Variants in PTGER3 observed in about 807,000 individuals in gnomAD.
PTGER3 encodes prostaglandin E2 receptor EP3 subtype.
A neutral mutation model predicts 34.7 loss-of-function variants in PTGER3; 22 were observed. The ratio of observed to expected loss-of-function variants is 0.63; its 90% CI spans 0.45 to 0.91. PTGER3 has a LOEUF of 0.91. Ranked by LOEUF, PTGER3 falls within the 40% of genes least tolerant of loss-of-function variation. PTGER3 has a pLI of 0.00. For synonymous variants in PTGER3, 241 were observed against 230.1 expected (o/e 1.05, Z -0.43); for missense variants, 468 against 519.4 (o/e 0.90, Z 0.96).
At chr1:71,009,175 G>A (rs1425340285) in intron 2 of PTGER3, 5 of 985,178 alleles carry the variant, frequency 5.1e-6, no homozygotes, top group East Asian at 1.1e-4. Flanking sequence ...CTGCCACAGA[G>A]TGACCCCCTT....
chr1:70,954,813 C>G (rs1651147110), intron 2 of PTGER3, among the ~76,000 whole-genome samples: 1 of 150,186 alleles, frequency 6.7e-6, no homozygotes, highest in Admixed American at 6.7e-5. Flanking sequence ...CTACATTCAA[C>G]ACTAAAAGGA....
chr1:71,029,231 T>C (rs1242174935), intron 1 of PTGER3, among the ~76,000 whole-genome samples: 1 of 152,234 alleles, frequency 6.6e-6, no homozygotes, highest in Non-Finnish European at 1.5e-5. Context: ...ATTTATTGCG[T>C]GATTTCTTTG....
At chr1:70,867,411 G>T (rs929834292) in intron 4 of PTGER3, among the ~76,000 whole-genome samples, 2 of 152,054 alleles carry the variant, frequency 1.3e-5, no homozygotes, top group Non-Finnish European at 2.9e-5. Flanking sequence ...AAATCTACAG[G>T]CTGTTTACTT....
intron 1 of PTGER3, among the ~76,000 whole-genome samples, chr1:71,018,517 CT>C (rs1221726410): frequency 2.6e-5 from 4 of 152,068 alleles, no homozygotes; most frequent in Admixed American, 1.3e-4. Flanking sequence ...TTTTGCTTAT[CT>C]TTTTCAGTCC....
intron 1 of PTGER3, among the ~76,000 whole-genome samples, chr1:71,041,974 A>G (rs1660355666): frequency 6.6e-6 from 1 of 152,050 alleles, no homozygotes; most frequent in African/African-American, 2.4e-5. Flanking sequence ...TGTGGTGCAT[A>G]TTCCTGAGTG....
intron 1 of PTGER3, among the ~76,000 whole-genome samples, chr1:71,013,500 C>T (rs1159973725): frequency 1.3e-5 from 2 of 151,924 alleles, no homozygotes; most frequent in Non-Finnish European, 2.9e-5. Flanking sequence ...GTCAGGAGTT[C>T]GAGACCAGCC....
intron 2 of PTGER3, chr1:71,010,173 A>G (rs1657317750): frequency 5.1e-6 from 5 of 985,076 alleles, no homozygotes; most frequent in Non-Finnish European, 6.0e-6. Flanking sequence ...GAAAAGTGAT[A>G]TTCTTGTGAT....
chr1:71,018,773 A>G (rs1011676222), intron 1 of PTGER3, among the ~76,000 whole-genome samples: 5 of 152,196 alleles, frequency 3.3e-5, no homozygotes, highest in African/African-American at 1.2e-4. Context: ...TTGTGAGGCT[A>G]ATAATTTAAA....
chr1:70,978,832 A>G (rs1653963604), intron 2 of PTGER3, among the ~76,000 whole-genome samples: 1 of 152,072 alleles, frequency 6.6e-6, no homozygotes, highest in Non-Finnish European at 1.5e-5. Flanking sequence ...TTTTAAAGCT[A>G]AAAGGAGCCT....
At chr1:70,883,843 A>T (rs796250938) in intron 4 of PTGER3, 2 of 203,396 alleles carry the variant, frequency 9.8e-6, no homozygotes, top group Non-Finnish European at 2.0e-5. Context: ...TGGGTGGGTT[A>T]CTTGAGGTCA....
At chr1:70,924,576 G>A (rs1647869197) in intron 4 of PTGER3, among the ~76,000 whole-genome samples, 2 of 152,112 alleles carry the variant, frequency 1.3e-5, no homozygotes. Flanking sequence ...TATTAGCTTA[G>A]TTCCAACAGT....
At chr1:71,042,668 T>C (rs981939131) in intron 1 of PTGER3, among the ~76,000 whole-genome samples, 7 of 152,194 alleles carry the variant, frequency 4.6e-5, no homozygotes, top group African/African-American at 1.7e-4. Flanking sequence ...TACTTTTATA[T>C]GCTATAAAAC....
At chr1:70,957,198 C>T (rs1241265609) in intron 2 of PTGER3, among the ~76,000 whole-genome samples, 1 of 152,092 alleles carries the variant, frequency 6.6e-6, no homozygotes, top group Non-Finnish European at 1.5e-5. Flanking sequence ...TTATGTAAAC[C>T]TTAATCATCT....
chr1:71,007,577 GT>G, intron 2 of PTGER3: 1 of 985,300 alleles, frequency 1.0e-6, no homozygotes. Flanking sequence ...AAATGGACAG[GT>G]TTTCCATCAT....
At chr1:70,958,743 A>G (rs1284958517) in intron 2 of PTGER3, among the ~76,000 whole-genome samples, 1 of 152,120 alleles carries the variant, frequency 6.6e-6, no homozygotes, top group African/African-American at 2.4e-5. Context: ...TATTCAAAAA[A>G]CCTTTTCCCA....
intron 4 of PTGER3, among the ~76,000 whole-genome samples, chr1:70,932,870 C>A (rs1435530834): frequency 6.6e-6 from 1 of 152,116 alleles, no homozygotes; most frequent in Non-Finnish European, 1.5e-5. Flanking sequence ...TCTGGAAAGA[C>A]TTTCTAAATT....
chr1:70,933,291 C>T (rs901911037), intron 4 of PTGER3, among the ~76,000 whole-genome samples: 1 of 152,112 alleles, frequency 6.6e-6, no homozygotes, highest in African/African-American at 2.4e-5. Flanking sequence ...TCTCTGAGTT[C>T]TCATAACACT....
At chr1:71,003,559 A>G (rs893203556) in intron 2 of PTGER3, among the ~76,000 whole-genome samples, 2 of 152,152 alleles carry the variant, frequency 1.3e-5, no homozygotes, top group Non-Finnish European at 2.9e-5. Context: ...TCACTTTTCA[A>G]CCTGTTTTGG....
intron 1 of PTGER3, among the ~76,000 whole-genome samples, chr1:71,043,051 A>G (rs888282998): frequency 1.3e-5 from 2 of 152,254 alleles, no homozygotes; most frequent in Non-Finnish European, 2.9e-5. Context: ...CAAGTTATAA[A>G]AGTACAAAAT....
Sources: allele counts gnomAD v4.1 joint callset (sites outside exome capture counted in the v4.1 genomes callset), GRCh38; gene constraint gnomAD v4.1.1; transcripts MANE v1.5; gene names NCBI Gene and HGNC (gene_info 2026-07-23, HGNC 2026-07-21).